WNT9B: variants seen among roughly 807,000 people sequenced by gnomAD.
WNT9B encodes protein Wnt-9b.
WNT9B carries 12 observed loss-of-function variants against 30.2 expected under a neutral mutation model. That is an observed-to-expected ratio of 0.40 (90% CI 0.26 to 0.64). WNT9B has a LOEUF of 0.64. WNT9B is among the 30% of genes least tolerant of loss of function. The pLI is 0.42. For missense variants in WNT9B, 442 were observed against 485.2 expected, an observed-to-expected ratio of 0.91 and a Z score of 0.84; for synonymous variants, 218 against 216.9, an observed-to-expected ratio of 1.01 and a Z score of -0.05.
chr17:46,871,801 A>C (rs1718861583), intron 1 of WNT9B, among the ~76,000 whole-genome samples: 1 of 152,142 alleles, frequency 6.6e-6, no homozygotes, highest in Non-Finnish European at 1.5e-5. Flanking sequence ...CAGCTCCTTC[A>C]CCTTCATCTA....
chr17:46,859,032 A>G (rs1178828821), intron 1 of WNT9B, among the ~76,000 whole-genome samples: 1 of 145,626 alleles, frequency 6.9e-6, no homozygotes, highest in Admixed American at 7.0e-5. Context: ...GCTGGAGTGC[A>G]GTGGCATGAT....
chr17:46,852,640 A>G (rs2084873299), intron 1 of WNT9B, among the ~76,000 whole-genome samples: 1 of 151,964 alleles, frequency 6.6e-6, no homozygotes, highest in Admixed American at 6.6e-5. Flanking sequence ...TATCATGGGT[A>G]AGAAGGCACC....
At chr17:46,846,191 C>T (rs896373318) in intron 1 of WNT9B, among the ~76,000 whole-genome samples, 4 of 152,180 alleles carry the variant, frequency 2.6e-5, no homozygotes, top group Admixed American at 6.5e-5. Flanking sequence ...TAGTTTCAAC[C>T]GTTTCAGTAC....
intron 1 of WNT9B, among the ~76,000 whole-genome samples, chr17:46,841,900 G>T (rs934843506): frequency 5.3e-5 from 8 of 152,232 alleles, no homozygotes; most frequent in African/African-American, 1.9e-4. Flanking sequence ...GCGGTGTGTG[G>T]GGGGGTCTCT....
chr17:46,849,886 T>G (rs1316004318), upstream of WNT9B, among the ~76,000 whole-genome samples: 1 of 151,860 alleles, frequency 6.6e-6, no homozygotes, highest in African/African-American at 2.4e-5. Flanking sequence ...CCCATTCTAT[T>G]GCCCAGGCCA....
At chr17:46,836,257 T>C (rs775459199) in intron 1 of WNT9B, among the ~76,000 whole-genome samples, 2 of 151,964 alleles carry the variant, frequency 1.3e-5, no homozygotes, top group Admixed American at 6.6e-5. Flanking sequence ...GGAAGTGATA[T>C]TGGAATTCAA....
intron 1 of WNT9B, among the ~76,000 whole-genome samples, chr17:46,872,311 C>T (rs570694314): frequency 6.6e-6 from 1 of 152,236 alleles, no homozygotes; most frequent in Non-Finnish European, 1.5e-5. Context: ...AGACCGGAAT[C>T]TGGAAAACAG....
Position 46,872,529 on chromosome 17 carries a change from G to A in WNT9B, c.90G>A (p.Arg30=). The change falls in exon 2 of 4, where the codon CGG becomes CGA. Residue 30 remains arginine (R), a synonymous_variant. Coordinates refer to ENST00000290015, the MANE Select transcript of WNT9B (RefSeq NM_003396.3). ...TCGCTCTCTCTAGCCTGACCGGGCG[G>A]GAAGTCCTGACGCCCTTCCCAGGAT... The part of the protein sequence containing the change: ...AAASYFGLTG[R]EVLTPFPGLG... 1 of 1,545,622 alleles carries A rather than the reference G, an allele frequency of 6.5e-7. No individual in the cohort carries two copies. The highest frequency in any genetic ancestry group is 8.7e-7 in the Non-Finnish European group (1 of 1,143,494).
chr17:46,837,886 T>C (rs1298522002), intron 1 of WNT9B, among the ~76,000 whole-genome samples: 1 of 152,194 alleles, frequency 6.6e-6, no homozygotes, highest in African/African-American at 2.4e-5. Context: ...AGTGATTGTT[T>C]TCTGACAGTT....
chr17:46,877,031 T>G lies in WNT9B; in HGVS notation c.*313T>G, dbSNP rs1417554129. The G allele has an allele frequency of 1.7e-6, 2 of 1,178,094 alleles. No individual in the cohort carries two copies. The highest frequency in any genetic ancestry group is 2.1e-6 in the Non-Finnish European group (2 of 952,854). 73.0% of individuals were successfully genotyped at this position (1,178,094 alleles called of 1,614,324 possible). A position where few individuals can be genotyped will look rare whatever the true frequency, so the allele number is the denominator to read the frequency against. On this transcript the variant is annotated 3_prime_UTR_variant, in exon 4 of 4. Coordinates refer to ENST00000290015, the MANE Select transcript of WNT9B (RefSeq NM_003396.3). ...GACCAAGAGCACAGCAGGACTGAAATTTTGGACGGGAGAGAGGGGCTATTC... is the reference window on the plus strand; with the variant it reads ...GACCAAGAGCACAGCAGGACTGAAAGTTTGGACGGGAGAGAGGGGCTATTC...
rs1197309201 is a variant in WNT9B at position 46,880,279 on chromosome 17, A to G, written c.*3561A>G. ...ACAGACAGCCCCATGCCAACCCTGG[A>G]CATTACTTGCTTTTGAACCTTTCCT... On this transcript the variant is annotated 3_prime_UTR_variant, in exon 4 of 4. Coordinates refer to ENST00000290015, the MANE Select transcript of WNT9B (RefSeq NM_003396.3). Among the ~76,000 whole-genome samples the G allele has an allele frequency of 6.6e-6, 1 of 152,232 alleles. No individual in the cohort carries two copies.
At chr17:46,856,205 A>G (rs1175325332) in intron 1 of WNT9B, among the ~76,000 whole-genome samples, 1 of 152,230 alleles carries the variant, frequency 6.6e-6, no homozygotes, top group Admixed American at 6.5e-5. Flanking sequence ...GTGTGACTTT[A>G]GACAAATGTC....
downstream of WNT9B, chr17:46,885,317 T>C (rs918348881): frequency 3.9e-6 from 1 of 254,070 alleles, no homozygotes; most frequent in African/African-American, 2.4e-5. Context: ...GCATTTTTTT[T>C]TTTGAGACAG....
intron 1 of WNT9B, among the ~76,000 whole-genome samples, chr17:46,871,195 C>T (rs2085238357): frequency 6.6e-6 from 1 of 152,308 alleles, no homozygotes; most frequent in East Asian, 1.9e-4. Flanking sequence ...GTGTGAGCCA[C>T]TGTGCCCAGC....
intron 1 of WNT9B, among the ~76,000 whole-genome samples, chr17:46,856,764 G>A (rs905704802): frequency 7.2e-5 from 11 of 151,890 alleles, no homozygotes; most frequent in African/African-American, 1.9e-4. Flanking sequence ...AATTATGGGC[G>A]TGCACCACCA....
intron 1 of WNT9B, among the ~76,000 whole-genome samples, chr17:46,861,104 G>T (rs1445030008): frequency 6.6e-6 from 1 of 152,188 alleles, no homozygotes; most frequent in Non-Finnish European, 1.5e-5. Context: ...GCCATATGTT[G>T]GCAGTGGAAC....
chr17:46,865,499 T>A (rs1251322014), intron 1 of WNT9B, among the ~76,000 whole-genome samples: 2 of 150,970 alleles, frequency 1.3e-5, no homozygotes, highest in Non-Finnish European at 3.0e-5. Flanking sequence ...GGATGGAGGG[T>A]GAGAGCTGGG....
chr17:46,860,482 C>G (rs75621030), intron 1 of WNT9B, among the ~76,000 whole-genome samples: 3,719 of 152,246 alleles, frequency 0.024, 156 homozygotes, highest in African/African-American at 0.085. Flanking sequence ...AAATCTCCAT[C>G]TACCACTTAC....
chr17:46,874,852 A>AG (rs1460867793), intron 2 of WNT9B: 4 of 624,682 alleles, frequency 6.4e-6, no homozygotes. Flanking sequence ...TGCTGGGATT[A>AG]GGGGCACGAG....
Sources: gnomAD v4.1 joint callset for allele counts (sites outside exome capture counted in the v4.1 genomes callset) on GRCh38, gnomAD v4.1.1 for gene constraint, MANE v1.5 for transcripts, NCBI Gene and HGNC (gene_info 2026-07-23, HGNC 2026-07-21) for gene names.